Variants in VSTM2L observed in about 807,000 individuals in gnomAD.
VSTM2L encodes V-set and transmembrane domain containing 2 like.
VSTM2L carries 9 observed loss-of-function variants against 19.9 expected under a neutral mutation model. The ratio of observed to expected loss-of-function variants is 0.45; its 90% CI spans 0.27 to 0.79. The LOEUF (loss-of-function observed/expected upper bound fraction) is 0.79, where lower values mean the gene tolerates loss of function less well. VSTM2L is among the 30% of genes least tolerant of loss of function. The pLI, the probability that VSTM2L is intolerant of heterozygous loss-of-function variation, is 0.15. For missense variants in VSTM2L, 286 were observed against 295.5 expected (o/e 0.97, Z 0.24); for synonymous variants, 127 against 133.8 (o/e 0.95, Z 0.35).
intron 1 of VSTM2L, among the ~76,000 whole-genome samples, chr20:37,915,463 C>G (rs1198193061): frequency 6.6e-6 from 1 of 151,980 alleles, no homozygotes; most frequent in African/African-American, 2.4e-5. Flanking sequence ...GAAGGAGGAG[C>G]TTCTTCAAGT....
chr20:37,915,712 G>T (rs1275527330), intron 1 of VSTM2L, among the ~76,000 whole-genome samples: 2 of 151,972 alleles, frequency 1.3e-5, no homozygotes, highest in Non-Finnish European at 2.9e-5. Context: ...TCGCAGACAC[G>T]ATTGGGCAGG....
chr20:37,911,102 C>G (rs1031732370), intron 1 of VSTM2L, among the ~76,000 whole-genome samples: 1 of 151,564 alleles, frequency 6.6e-6, no homozygotes, highest in East Asian at 1.9e-4. Context: ...GAAACACCAT[C>G]TCTACTAAAA....
chr20:37,942,321 A>C (rs1175832904), intron 3 of VSTM2L, among the ~76,000 whole-genome samples: 2 of 152,190 alleles, frequency 1.3e-5, no homozygotes, highest in East Asian at 3.8e-4. Flanking sequence ...ATTTCAACTA[A>C]AAATACAAAA....
chr20:37,909,126 G>A (rs1447218970), intron 1 of VSTM2L, among the ~76,000 whole-genome samples: 1 of 152,176 alleles, frequency 6.6e-6, no homozygotes, highest in African/African-American at 2.4e-5. Flanking sequence ...GCTGGGACTT[G>A]AGGCTTGGCT....
intron 3 of VSTM2L, among the ~76,000 whole-genome samples, chr20:37,942,341 G>T (rs1347032192): frequency 6.6e-6 from 1 of 152,212 alleles, no homozygotes; most frequent in Admixed American, 6.5e-5. Context: ...AATTAGCTGA[G>T]CATGGTGGCG....
At chr20:37,928,134 A>T (rs1200764295) in intron 1 of VSTM2L, among the ~76,000 whole-genome samples, 3 of 152,050 alleles carry the variant, frequency 2.0e-5, no homozygotes, top group Non-Finnish European at 4.4e-5. Flanking sequence ...TGGTGGTCAT[A>T]CCAGATCCAA....
intron 3 of VSTM2L, among the ~76,000 whole-genome samples, chr20:37,943,152 T>C (rs2072983197): frequency 6.6e-6 from 1 of 152,092 alleles, no homozygotes; most frequent in Non-Finnish European, 1.5e-5. Flanking sequence ...GTATTTTTAG[T>C]AGAGATGGGG....
intron 1 of VSTM2L, among the ~76,000 whole-genome samples, chr20:37,927,261 G>A (rs151216877): frequency 0.016 from 2,428 of 152,274 alleles, 59 homozygotes; most frequent in African/African-American, 0.056. Context: ...CACCGTGCCC[G>A]GCCTCATTAA....
At chr20:37,939,129 G>T (rs1018324204) in intron 3 of VSTM2L, among the ~76,000 whole-genome samples, 1 of 152,196 alleles carries the variant, frequency 6.6e-6, no homozygotes, top group Non-Finnish European at 1.5e-5. Flanking sequence ...GCTTGGCTGG[G>T]CGCGGTGGCT....
At chr20:37,943,093 G>A (rs2072982632) in intron 3 of VSTM2L, among the ~76,000 whole-genome samples, 1 of 152,060 alleles carries the variant, frequency 6.6e-6, no homozygotes, top group Non-Finnish European at 1.5e-5. Context: ...TCAGTCTCAC[G>A]AGTAGCTGGG....
At chr20:37,941,319 G>T (rs1299700917) in intron 3 of VSTM2L, among the ~76,000 whole-genome samples, 1 of 152,110 alleles carries the variant, frequency 6.6e-6, no homozygotes, top group African/African-American at 2.4e-5. Flanking sequence ...CTTGGAGGAG[G>T]TGACATTTAG....
intron 2 of VSTM2L, 58 bp from the exon 3 acceptor site, chr20:37,933,481 C>T (rs2072922390): frequency 7.4e-7 from 1 of 1,351,366 alleles, no homozygotes; most frequent in Admixed American, 1.8e-5. Context: ...GCCACCCCAC[C>T]CCCACCCTGT....
At chr20:37,941,569 G>T (rs1435770634) in intron 3 of VSTM2L, among the ~76,000 whole-genome samples, 2 of 152,210 alleles carry the variant, frequency 1.3e-5, no homozygotes, top group Non-Finnish European at 2.9e-5. Context: ...CCCCCTCACT[G>T]CAGGGGTGAC....
At chr20:37,916,320 A>AT (rs1455461354) in intron 1 of VSTM2L, among the ~76,000 whole-genome samples, 2 of 151,774 alleles carry the variant, frequency 1.3e-5, no homozygotes, top group Non-Finnish European at 2.9e-5. Context: ...CCCCTGCCCT[A>AT]TCTCTGGCTC....
At chr20:37,915,669 G>A (rs2072814332) in intron 1 of VSTM2L, among the ~76,000 whole-genome samples, 1 of 152,070 alleles carries the variant, frequency 6.6e-6, no homozygotes, top group Non-Finnish European at 1.5e-5. Flanking sequence ...CCTGACTCCG[G>A]AGCCCACATA....
At chr20:37,928,741 C>T (rs544167695) in intron 1 of VSTM2L, among the ~76,000 whole-genome samples, 2 of 152,106 alleles carry the variant, frequency 1.3e-5, no homozygotes, top group South Asian at 4.1e-4. Flanking sequence ...GACAACAGAG[C>T]GAGACCCTGT....
At chr20:37,933,610 C>T in intron 3 of VSTM2L, 21 bp downstream of exon 3, 1 of 1,613,250 alleles carries the variant, frequency 6.2e-7, no homozygotes. Flanking sequence ...ATAATGACTT[C>T]TCGAAAGGGC....
intron 1 of VSTM2L, among the ~76,000 whole-genome samples, chr20:37,913,816 CT>C (rs1173414470): frequency 6.6e-6 from 1 of 152,226 alleles, no homozygotes; most frequent in African/African-American, 2.4e-5. Flanking sequence ...CAGCTGGAAC[CT>C]CCAAGAATCG....
Position 37,933,602 on chromosome 20 carries a change from A to C in VSTM2L, c.342+13A>C. 6.2e-7 allele frequency: 1 copy of C among 1,613,910 alleles called. No homozygotes were observed. The highest frequency in any genetic ancestry group is 1.1e-5 in the South Asian group (1 of 91,044). ...AACCAAAATAAGTGTGAGTTTTGAT[A>C]ATGACTTCTCGAAAGGGCTCTAATG... On this transcript the variant is annotated intron_variant, in intron 3 of 3. Coordinates refer to ENST00000373461, the MANE Select transcript of VSTM2L (RefSeq NM_080607.3).
Sources: allele counts gnomAD v4.1 joint callset (sites outside exome capture counted in the v4.1 genomes callset), GRCh38; gene constraint gnomAD v4.1.1; transcripts MANE v1.5; gene names NCBI Gene and HGNC (gene_info 2026-07-23, HGNC 2026-07-21).